CADM2: variants seen among roughly 807,000 people sequenced by gnomAD.
CADM2 encodes cell adhesion molecule 2, also known as immunoglobulin superfamily member 4D.
CADM2 carries 12 observed loss-of-function variants against 49.8 expected under a neutral mutation model. The observed-to-expected ratio is 0.24, with a 90% confidence interval of 0.15 to 0.39. The LOEUF is 0.39. Ranked by LOEUF, CADM2 falls within the 10% of genes least tolerant of loss-of-function variation. The pLI is 1.00. For missense variants in CADM2, 378 were observed against 492.3 expected, an observed-to-expected ratio of 0.77 and a Z score of 2.20; for synonymous variants, 214 against 175.4, an observed-to-expected ratio of 1.22 and a Z score of -1.74.
chr3:85,859,248 T>C (rs1408078459), intron 3 of CADM2, among the ~76,000 whole-genome samples: 1 of 144,022 alleles, frequency 6.9e-6, no homozygotes, highest in Non-Finnish European at 1.5e-5. Context: ...TTTTTTTTTT[T>C]TTGAGACGGA....
At chr3:85,249,529 T>C (rs559352116) in intron 1 of CADM2, among the ~76,000 whole-genome samples, 8 of 152,152 alleles carry the variant, frequency 5.3e-5, no homozygotes, top group African/African-American at 1.9e-4. Context: ...TGTGGTTGAA[T>C]TAATGTTTAC....
chr3:85,421,368 G>A (rs1429096551), intron 1 of CADM2, among the ~76,000 whole-genome samples: 1 of 152,034 alleles, frequency 6.6e-6, no homozygotes, highest in Non-Finnish European at 1.5e-5. Flanking sequence ...AAGAGTGTAG[G>A]CGATATTTAG....
chr3:86,009,656 A>T (rs1731245966), intron 8 of CADM2, among the ~76,000 whole-genome samples: 1 of 151,888 alleles, frequency 6.6e-6, no homozygotes, highest in South Asian at 2.1e-4. Flanking sequence ...AAAACATAAA[A>T]GCTTCTTTCT....
intron 3 of CADM2, among the ~76,000 whole-genome samples, chr3:85,845,875 G>T (rs958908334): frequency 6.6e-6 from 1 of 152,128 alleles, no homozygotes; most frequent in East Asian, 1.9e-4. Context: ...GGGAAGCTTT[G>T]GTGGTGGTGG....
intron 2 of CADM2, among the ~76,000 whole-genome samples, chr3:85,778,293 A>G (rs72906499): frequency 0.036 from 5,477 of 152,252 alleles, 303 homozygotes; most frequent in African/African-American, 0.12. Flanking sequence ...ACACACACAT[A>G]TACACAATTT....
intron 1 of CADM2, among the ~76,000 whole-genome samples, chr3:85,228,311 C>G (rs1012513944): frequency 2.0e-5 from 3 of 151,994 alleles, no homozygotes; most frequent in Admixed American, 6.6e-5. Flanking sequence ...TTCGTGGAAG[C>G]TTTGTTCACT....
At chr3:85,839,235 T>C (rs917555789) in intron 3 of CADM2, among the ~76,000 whole-genome samples, 1 of 151,820 alleles carries the variant, frequency 6.6e-6, no homozygotes, top group Non-Finnish European at 1.5e-5. Context: ...CCGATTTTTT[T>C]CCCTTGCTTT....
intron 1 of CADM2, among the ~76,000 whole-genome samples, chr3:85,471,189 G>A (rs77115176): frequency 0.013 from 1,956 of 152,166 alleles, 29 homozygotes; most frequent in South Asian, 0.034. Flanking sequence ...TCATCACTCA[G>A]GGATCCAGGT....
At chr3:85,267,775 C>T (rs1444130882) in intron 1 of CADM2, among the ~76,000 whole-genome samples, 1 of 151,260 alleles carries the variant, frequency 6.6e-6, no homozygotes, top group Admixed American at 6.6e-5. Flanking sequence ...ATAACAATAG[C>T]CAATTTGAGA....
intron 1 of CADM2, among the ~76,000 whole-genome samples, chr3:85,308,946 A>G (rs1043637203): frequency 6.6e-6 from 1 of 152,110 alleles, no homozygotes; most frequent in Non-Finnish European, 1.5e-5. Flanking sequence ...CAGTTAAATC[A>G]TTTGACAACG....
At chr3:85,913,176 C>G (rs947116125) in intron 6 of CADM2, among the ~76,000 whole-genome samples, 8 of 152,092 alleles carry the variant, frequency 5.3e-5, no homozygotes, top group Admixed American at 1.3e-4. Flanking sequence ...AAGATACACA[C>G]AAGGATTCTG....
chr3:85,944,515 G>T (rs1166589886), intron 7 of CADM2, among the ~76,000 whole-genome samples: 1 of 152,002 alleles, frequency 6.6e-6, no homozygotes, highest in African/African-American at 2.4e-5. Context: ...TGACCACAGA[G>T]TTGGAAGTAA....
At chr3:85,940,033 A>C (rs1338527405) in intron 7 of CADM2, among the ~76,000 whole-genome samples, 1 of 145,148 alleles carries the variant, frequency 6.9e-6, no homozygotes, top group Non-Finnish European at 1.5e-5. Flanking sequence ...CAAAAAAAAA[A>C]CAGACAAAAG....
intron 3 of CADM2, among the ~76,000 whole-genome samples, chr3:85,836,169 G>T (rs1204817555): frequency 6.6e-6 from 1 of 151,502 alleles, no homozygotes; most frequent in Non-Finnish European, 1.5e-5. Context: ...TATTTAAAGA[G>T]CTTTCAGGGG....
chr3:85,934,061 T>C (rs1409611967), intron 6 of CADM2, among the ~76,000 whole-genome samples: 1 of 152,064 alleles, frequency 6.6e-6, no homozygotes, highest in African/African-American at 2.4e-5. Flanking sequence ...ACACACAAAA[T>C]TAAACATCAC....
intron 3 of CADM2, among the ~76,000 whole-genome samples, chr3:85,851,909 G>A (rs2075124571): frequency 6.6e-6 from 1 of 152,076 alleles, no homozygotes; most frequent in Non-Finnish European, 1.5e-5. Context: ...GAACAAATGT[G>A]TGTGGGAAGG....
chr3:85,612,270 AAGCACATAGCCACACTT>A (rs1178385519), intron 1 of CADM2, among the ~76,000 whole-genome samples: 3 of 151,940 alleles, frequency 2.0e-5, no homozygotes, highest in African/African-American at 7.2e-5. Flanking sequence ...ATTCCTGTGT[AAGCACATAGCCACACTT>A]AGCACTGTGC....
At chr3:85,389,525 G>C (rs576886817) in intron 1 of CADM2, among the ~76,000 whole-genome samples, 1 of 151,898 alleles carries the variant, frequency 6.6e-6, no homozygotes, top group African/African-American at 2.4e-5. Flanking sequence ...TCTGTATTCT[G>C]TGTTAAATAT....
rs538128317 is a variant in CADM2, at chr3:85,250,549, T to C, written c.61+290881T>C. Reference sequence around the variant, plus strand: ...CTACACAAATTGAGCAAATGTATACTAGGTATTTGCAGATAACTCAAATTT... The same window carrying C: ...CTACACAAATTGAGCAAATGTATACCAGGTATTTGCAGATAACTCAAATTT... On this transcript the variant is annotated intron_variant, in intron 1 of 9. Transcript: ENST00000383699. Among the ~76,000 whole-genome samples, 151 of 151,600 alleles carry C rather than the reference T, an allele frequency of 1.0e-3. 2 individuals carry two copies. Among genetic ancestry groups the C allele is most frequent in the Non-Finnish European group, 1.1e-3 (75 of 67,638 alleles).
Sources: allele counts gnomAD v4.1 joint callset (sites outside exome capture counted in the v4.1 genomes callset), GRCh38; gene constraint gnomAD v4.1.1; transcripts MANE v1.5; gene names NCBI Gene and HGNC (gene_info 2026-07-23, HGNC 2026-07-21).